GRIA3: variants seen among roughly 807,000 people sequenced by gnomAD.
GRIA3 encodes glutamate receptor 3.
In GRIA3, 3 loss-of-function variants were observed where a neutral mutation model predicts 63.0. That is an observed-to-expected ratio of 0.05 (90% CI 0.02 to 0.12). The LOEUF is 0.12. Ranked by LOEUF, GRIA3 falls within the 10% of genes least tolerant of loss-of-function variation. The probability of loss-of-function intolerance (pLI) is 1.00; values close to 1 mark genes in which losing one functional copy is unlikely to be tolerated. For synonymous variants in GRIA3, 274 were observed against 257.9 expected (o/e 1.06, Z -0.60); for missense variants, 347 against 700.9 (o/e 0.50, Z 5.70).
chrX:123,193,289 C>T (rs1287200786), intron 2 of GRIA3, among the ~76,000 whole-genome samples: 1 of 110,901 alleles, frequency 9.0e-6, no homozygotes, highest in Non-Finnish European at 1.9e-5. Context: ...CCCCAAAGTG[C>T]CCCTTTTAGA....
At chrX:123,437,664 G>C (rs12854537) in intron 12 of GRIA3, among the ~76,000 whole-genome samples, 54,254 of 110,033 alleles carry the variant, frequency 0.49, 10,739 homozygotes, top group Non-Finnish European at 0.62. Flanking sequence ...GATTCATTTT[G>C]GAGGTAGAGT....
intron 3 of GRIA3, among the ~76,000 whole-genome samples, chrX:123,306,718 T>C (rs898940820): frequency 9.0e-6 from 1 of 111,684 alleles, no homozygotes; most frequent in African/African-American, 3.3e-5. Flanking sequence ...CCAAGCTACA[T>C]TGAGCTTTCT....
intron 12 of GRIA3, among the ~76,000 whole-genome samples, chrX:123,441,844 A>G (rs985238436): frequency 9.0e-6 from 1 of 111,017 alleles, no homozygotes; most frequent in African/African-American, 3.3e-5. Context: ...ACACACACAC[A>G]CAATTAAGTA....
intron 4 of GRIA3, among the ~76,000 whole-genome samples, chrX:123,340,829 A>T (rs1315404238): frequency 9.0e-6 from 1 of 111,580 alleles, no homozygotes; most frequent in Non-Finnish European, 1.9e-5. Context: ...CCCTATGATG[A>T]CTTAAACCTT....
intron 5 of GRIA3, among the ~76,000 whole-genome samples, chrX:123,362,286 G>A (rs932618317): frequency 8.9e-6 from 1 of 111,904 alleles, no homozygotes; most frequent in African/African-American, 3.3e-5. Flanking sequence ...AACAGGTGCT[G>A]GGACAATGAA....
chrX:123,369,702 C>T lies in GRIA3; in HGVS notation c.750+14739C>T, dbSNP rs760524654. On this transcript the variant is annotated intron_variant, in intron 5 of 15. Coordinates refer to ENST00000620443, the MANE Select transcript of GRIA3 (RefSeq NM_007325.5). ...CTGTCTCCGAACTTCCTTCTTTCTA[C>T]TGTTATTCTTTACCTTTTTCTTTGA... Among the ~76,000 whole-genome samples, 156 of 112,574 alleles carry T rather than the reference C, an allele frequency of 1.4e-3. 1 individual carries two copies. The highest frequency in any genetic ancestry group is 4.7e-3 in the African/African-American group (147 of 31,030).
chrX:123,288,485 A>G (rs2044635387), intron 3 of GRIA3, among the ~76,000 whole-genome samples: 1 of 112,048 alleles, frequency 8.9e-6, no homozygotes. Context: ...AGCAACCTAC[A>G]GAATGGGAGA....
intron 5 of GRIA3, among the ~76,000 whole-genome samples, chrX:123,370,073 G>A (rs1046919687): frequency 1.8e-4 from 20 of 111,313 alleles, no homozygotes; most frequent in African/African-American, 5.2e-4. Context: ...TTCAGTATTC[G>A]CACCTACAAT....
chrX:123,196,302 C>T (rs187535418), intron 2 of GRIA3, among the ~76,000 whole-genome samples: 7 of 112,008 alleles, frequency 6.2e-5, no homozygotes, highest in African/African-American at 1.6e-4. Flanking sequence ...ACAATCATTA[C>T]GTACTTTTTG....
intron 3 of GRIA3, among the ~76,000 whole-genome samples, chrX:123,267,308 C>A (rs1048124443): frequency 1.8e-5 from 2 of 111,371 alleles, no homozygotes; most frequent in Non-Finnish European, 3.8e-5. Flanking sequence ...TTGACCCAAT[C>A]TCCCTACCAA....
intron 5 of GRIA3, among the ~76,000 whole-genome samples, chrX:123,379,655 T>G (rs934733658): frequency 1.9e-5 from 2 of 106,839 alleles, no homozygotes; most frequent in Non-Finnish European, 3.9e-5. Context: ...ATTTATTTTT[T>G]TATTATACTT....
intron 2 of GRIA3, among the ~76,000 whole-genome samples, chrX:123,206,496 T>G (rs763611113): frequency 5.5e-4 from 62 of 112,223 alleles, no homozygotes; most frequent in Non-Finnish European, 1.7e-4. Context: ...ATCAAAATGT[T>G]AATGAAAAAT....
At chrX:123,465,211 T>G in intron 13 of GRIA3, 99 bp downstream of exon 13, 1 of 881,577 alleles carries the variant, frequency 1.1e-6, no homozygotes, top group Non-Finnish European at 1.6e-6. Context: ...TTGAGGTAAC[T>G]TTTAAAAGTT....
chrX:123,293,599 G>A (rs2044668682), intron 3 of GRIA3, among the ~76,000 whole-genome samples: 1 of 109,956 alleles, frequency 9.1e-6, no homozygotes, highest in African/African-American at 3.3e-5. Context: ...TTATGGAGTA[G>A]AAGAAAGGGA....
In GRIA3 at chrX:123,387,190, T is replaced by C. The variant is rs768647625; in HGVS notation, c.751-7778T>C. On this transcript the variant is annotated intron_variant, in intron 5 of 15. Transcript: ENST00000620443. ...CCTTGGTTAAGTTTATTCCTAGATA[T>C]TTCAGTAGCTACTGTAAATGGGATT... Among the ~76,000 whole-genome samples, 5 of 111,737 alleles carry C rather than the reference T, an allele frequency of 4.5e-5. No homozygotes were observed. The South Asian group carries it at 1.1e-3, about 25-fold the overall frequency.
intron 5 of GRIA3, among the ~76,000 whole-genome samples, chrX:123,377,135 A>G (rs1260070658): frequency 4.6e-5 from 5 of 109,391 alleles, no homozygotes; most frequent in Admixed American, 9.7e-5. Flanking sequence ...ACGGGGTTTC[A>G]CCGTGTTAGC....
intron 4 of GRIA3, among the ~76,000 whole-genome samples, chrX:123,333,867 T>C (rs2044957258): frequency 9.0e-6 from 1 of 111,183 alleles, no homozygotes; most frequent in Non-Finnish European, 1.9e-5. Flanking sequence ...TTTTAGTAGG[T>C]GGTTCCCTTT....
At chrX:123,258,787 G>A (rs1358262022) in intron 3 of GRIA3, among the ~76,000 whole-genome samples, 1 of 111,762 alleles carries the variant, frequency 8.9e-6, no homozygotes, top group African/African-American at 3.3e-5. Context: ...TTCTCAACCT[G>A]AAACTCCCTA....
chrX:123,378,634 C>T (rs1472279693), intron 5 of GRIA3, among the ~76,000 whole-genome samples: 1 of 110,538 alleles, frequency 9.0e-6, no homozygotes, highest in African/African-American at 3.3e-5. Flanking sequence ...TGATCTCAAA[C>T]TCCTGACCTC....
Sources: allele counts gnomAD v4.1 joint callset (sites outside exome capture counted in the v4.1 genomes callset), GRCh38; gene constraint gnomAD v4.1.1; transcripts MANE v1.5; gene names NCBI Gene and HGNC (gene_info 2026-07-23, HGNC 2026-07-21).